Variants in HACD2 observed in about 807,000 individuals in gnomAD.
HACD2 encodes the protein very-long-chain (3R)-3-hydroxyacyl-CoA dehydratase 2.
A neutral mutation model predicts 31.0 loss-of-function variants in HACD2; 15 were observed. The observed-to-expected ratio is 0.48, with a 90% CI of 0.32 to 0.75. The LOEUF (loss-of-function observed/expected upper bound fraction) is 0.75. HACD2 is among the 30% of genes least tolerant of loss of function. HACD2 has a pLI of 0.03. For synonymous variants in HACD2, 115 were observed against 122.2 expected (o/e 0.94, Z 0.39); for missense variants, 283 against 313.0 (o/e 0.90, Z 0.72).
intron 4 of HACD2, among the ~76,000 whole-genome samples, chr3:123,507,223 C>A (rs1368844244): frequency 2.0e-5 from 3 of 152,068 alleles, no homozygotes; most frequent in Non-Finnish European, 4.4e-5. Context: ...CCACTGCACT[C>A]CAGCCTGGGT....
intron 4 of HACD2, among the ~76,000 whole-genome samples, chr3:123,516,379 C>T (rs557677089): frequency 1.3e-5 from 2 of 152,074 alleles, no homozygotes; most frequent in Middle Eastern, 3.4e-3. Flanking sequence ...GGATTACAGG[C>T]GCCCGCTGCG....
At chr3:123,514,025 A>G (rs1174212014) in intron 4 of HACD2, among the ~76,000 whole-genome samples, 1 of 152,194 alleles carries the variant, frequency 6.6e-6, no homozygotes, top group Non-Finnish European at 1.5e-5. Context: ...TTGTAATCCC[A>G]CCACTTTGGG....
At chr3:123,574,345 T>C (rs2056886229) in intron 2 of HACD2, among the ~76,000 whole-genome samples, 1 of 152,240 alleles carries the variant, frequency 6.6e-6, no homozygotes, top group East Asian at 1.9e-4. Flanking sequence ...TTAGTAAACT[T>C]AAAGTCAGTC....
At chr3:123,512,207 G>A (rs1241330444) in intron 4 of HACD2, among the ~76,000 whole-genome samples, 5 of 151,992 alleles carry the variant, frequency 3.3e-5, no homozygotes, top group Admixed American at 6.5e-5. Flanking sequence ...AATCTATCTC[G>A]AAAGCTTGTT....
At chr3:123,540,887 T>TA (rs750223979) in intron 3 of HACD2, among the ~76,000 whole-genome samples, 3 of 152,320 alleles carry the variant, frequency 2.0e-5, no homozygotes, top group Non-Finnish European at 1.5e-5. Flanking sequence ...GAATGCTGGA[T>TA]AAAAAAATTA....
At chr3:123,512,639 T>C (rs998067455) in intron 4 of HACD2, among the ~76,000 whole-genome samples, 1 of 152,052 alleles carries the variant, frequency 6.6e-6, no homozygotes, top group Non-Finnish European at 1.5e-5. Flanking sequence ...ACAGGCAAAC[T>C]GAGCAAAAAA....
intron 3 of HACD2, among the ~76,000 whole-genome samples, chr3:123,554,242 A>G (rs1449483627): frequency 1.3e-5 from 1 of 75,710 alleles, no homozygotes; most frequent in Non-Finnish European, 3.0e-5. Context: ...TTATACTGGC[A>G]ATAGGTGGGA....
intron 3 of HACD2, among the ~76,000 whole-genome samples, chr3:123,533,587 T>C (rs553422338): frequency 1.3e-5 from 2 of 152,348 alleles, no homozygotes; most frequent in South Asian, 4.1e-4. Flanking sequence ...TTAAATTGGT[T>C]ATTTACAGAT....
At chr3:123,505,127 T>C (rs2055957965) in intron 4 of HACD2, among the ~76,000 whole-genome samples, 1 of 152,230 alleles carries the variant, frequency 6.6e-6, no homozygotes. Flanking sequence ...AGATGAACCT[T>C]GAAGACATCA....
intron 2 of HACD2, among the ~76,000 whole-genome samples, chr3:123,581,372 T>C (rs1305253324): frequency 1.3e-5 from 2 of 152,184 alleles, no homozygotes; most frequent in East Asian, 1.9e-4. Flanking sequence ...AATGGGCATG[T>C]GTCCTAAGAT....
In HACD2 at chr3:123,510,473, C is replaced by G. The variant is rs138430054; in HGVS notation, c.382-7792G>C. On this transcript the variant is annotated intron_variant, in intron 4 of 6. Transcript: ENST00000383657. ...ATGTTGGCCAGGCTGCTCTTGAACT[C>G]CTGACCTCACATGATCTGCCCGCCT... 4.3e-3 allele frequency among the ~76,000 whole-genome samples: 649 copies of G among 152,310 alleles called. 3 individuals are homozygous for G. Among genetic ancestry groups the G allele is most frequent in the African/African-American group, 0.015 (615 of 41,566 alleles).
At chr3:123,530,963 G>A (rs2056353630) in intron 3 of HACD2, among the ~76,000 whole-genome samples, 2 of 152,070 alleles carry the variant, frequency 1.3e-5, no homozygotes, top group Admixed American at 1.3e-4. Context: ...TGCCTCCTGG[G>A]TTCAAGTGAT....
intron 4 of HACD2, among the ~76,000 whole-genome samples, chr3:123,520,176 CACACCTGCAATT>C (rs2056195511): frequency 6.6e-6 from 1 of 152,156 alleles, no homozygotes; most frequent in South Asian, 2.1e-4. Context: ...CATCATTTCC[CACACCTGCAATT>C]AGGATTTTTA....
chr3:123,580,973 C>T (rs1282593353), intron 2 of HACD2, among the ~76,000 whole-genome samples: 1 of 151,636 alleles, frequency 6.6e-6, no homozygotes, highest in Non-Finnish European at 1.5e-5. Context: ...ACGCCCGTGC[C>T]ACCACACCCG....
intron 2 of HACD2, among the ~76,000 whole-genome samples, chr3:123,577,664 T>G (rs183915778): frequency 2.6e-5 from 4 of 151,754 alleles, no homozygotes; most frequent in Admixed American, 2.6e-4. Context: ...ATAATTACAG[T>G]CTTATGTTAA....
chr3:123,498,253 G>A (rs188496182), intron 6 of HACD2, among the ~76,000 whole-genome samples: 58 of 152,298 alleles, frequency 3.8e-4, no homozygotes, highest in African/African-American at 8.2e-4. Flanking sequence ...CCTTTTCTCC[G>A]GTCTACAAGA....
intron 3 of HACD2, among the ~76,000 whole-genome samples, chr3:123,553,236 G>A (rs1243245836): frequency 6.6e-6 from 1 of 152,158 alleles, no homozygotes; most frequent in African/African-American, 2.4e-5. Flanking sequence ...AGAGTTTTAT[G>A]ATAAAAAGAC....
chr3:123,509,742 G>A (rs1258655439), intron 4 of HACD2, among the ~76,000 whole-genome samples: 7 of 151,930 alleles, frequency 4.6e-5, no homozygotes, highest in South Asian at 2.1e-4. Flanking sequence ...CTCGTGATCC[G>A]CCCGCCTCGG....
intron 4 of HACD2, among the ~76,000 whole-genome samples, chr3:123,506,717 G>A (rs1190291079): frequency 6.6e-6 from 1 of 152,104 alleles, no homozygotes; most frequent in Non-Finnish European, 1.5e-5. Context: ...TTACAAGTGT[G>A]AGCCACTACA....
Sources: gnomAD v4.1 joint callset for allele counts (sites outside exome capture counted in the v4.1 genomes callset) on GRCh38, gnomAD v4.1.1 for gene constraint, MANE v1.5 for transcripts, NCBI Gene and HGNC (gene_info 2026-07-23, HGNC 2026-07-21) for gene names.